Variants in SPTBN1 observed in about 807,000 individuals in gnomAD.
SPTBN1 encodes the protein spectrin beta, non-erythrocytic 1, also known as spectrin beta chain, non-erythrocytic 1.
In SPTBN1, 32 loss-of-function variants were observed where a neutral mutation model predicts 266.4. The observed-to-expected ratio is 0.12, with a 90% CI of 0.09 to 0.16. SPTBN1 has a LOEUF of 0.16. Among genes scored for constraint, SPTBN1 ranks in the 10% least tolerant of loss-of-function variants. SPTBN1 has a pLI of 1.00. For missense variants in SPTBN1, 2,296 were observed against 3,067.1 expected, an observed-to-expected ratio of 0.75 and a Z score of 5.94; for synonymous variants, 1,336 against 1,162.2, an observed-to-expected ratio of 1.15 and a Z score of -3.04.
At position 54,631,375 on chromosome 2, in the gene SPTBN1, G is replaced by A. The variant is rs2103940991; in HGVS notation, c.3328G>A (p.Glu1110Lys). Reference sequence around the variant, plus strand: ...CACGCAGCACGAGAACATCAAGAACGAGATCGACAACTACGAGGAGGACTA... The same window carrying A: ...CACGCAGCACGAGAACATCAAGAACAAGATCGACAACTACGAGGAGGACTA... ...LLTQHENIKNEIDNYEEDYQK... is the reference protein window; with the variant it reads ...LLTQHENIKNKIDNYEEDYQK... The change falls in exon 16 of 36, where the codon GAG becomes AAG. Residue 1110 changes from glutamate to lysine, a missense_variant. Physicochemically the swap from Glu to Lys is moderately conservative, Grantham distance 56. Around this residue, in one of 12 missense-constraint regions of SPTBN1, gnomAD observed 386 missense variants for 486.1 expected, o/e 0.79. Coordinates refer to ENST00000356805, the MANE Select transcript of SPTBN1 (RefSeq NM_003128.3). The A allele has an allele frequency of 2.5e-6, 4 of 1,614,238 alleles. No individual in the cohort carries two copies. Among genetic ancestry groups the A allele is most frequent in the South Asian group, 1.1e-5 (1 of 91,086 alleles).
intron 9 of SPTBN1, among the ~76,000 whole-genome samples, chr2:54,623,073 T>C (rs528883780): frequency 3.3e-5 from 5 of 152,364 alleles, no homozygotes; most frequent in African/African-American, 1.2e-4. Flanking sequence ...AAAGTCGTTT[T>C]TTCTTTTCTG....
At chr2:54,539,583 A>C (rs1671815265) in intron 2 of SPTBN1, among the ~76,000 whole-genome samples, 1 of 152,182 alleles carries the variant, frequency 6.6e-6, no homozygotes. Flanking sequence ...TCTGTCATCC[A>C]GACTGGAGTG....
intron 1 of SPTBN1, among the ~76,000 whole-genome samples, chr2:54,477,627 T>G (rs927690947): frequency 6.6e-6 from 1 of 152,080 alleles, no homozygotes; most frequent in Non-Finnish European, 1.5e-5. Flanking sequence ...TAAGACTGAC[T>G]GGTAGGCTGG....
intron 1 of SPTBN1, among the ~76,000 whole-genome samples, chr2:54,457,789 G>C (rs898760087): frequency 6.6e-6 from 1 of 152,264 alleles, no homozygotes; most frequent in Admixed American, 6.5e-5. Flanking sequence ...GCGTCAGGAG[G>C]ACCAGGTCAG....
intron 1 of SPTBN1, among the ~76,000 whole-genome samples, chr2:54,484,022 C>G (rs1228021664): frequency 6.6e-6 from 1 of 152,180 alleles, no homozygotes; most frequent in East Asian, 1.9e-4. Context: ...TGGTGAAACT[C>G]TGTCTCTGCA....
chr2:54,487,471 T>C (rs1228372047), intron 1 of SPTBN1, among the ~76,000 whole-genome samples: 3 of 152,140 alleles, frequency 2.0e-5, no homozygotes, highest in Non-Finnish European at 4.4e-5. Flanking sequence ...CTATTTTGCA[T>C]ATTTGCACAA....
intron 3 of SPTBN1, among the ~76,000 whole-genome samples, chr2:54,611,576 G>A (rs1332505661): frequency 6.6e-6 from 1 of 151,960 alleles, no homozygotes; most frequent in Admixed American, 6.6e-5. Context: ...AAACATTTGG[G>A]GTATTTAAAT....
At chr2:54,661,336 C>T in intron 32 of SPTBN1, 1 of 985,856 alleles carries the variant, frequency 1.0e-6, no homozygotes, top group Non-Finnish European at 1.2e-6. Flanking sequence ...CATTCACTTG[C>T]TCTTTTGCCA....
chr2:54,669,655 C>T lies in SPTBN1; in HGVS notation c.*1086C>T, dbSNP rs1303768746. 1 of 152,626 alleles carries T rather than the reference C, an allele frequency of 6.6e-6. No individual in the cohort carries two copies. 9.5% of individuals were successfully genotyped at this position (152,626 alleles called of 1,614,324 possible). A position where few individuals can be genotyped will look rare whatever the true frequency, so the allele number is the denominator to read the frequency against. On this transcript the variant is annotated 3_prime_UTR_variant, in exon 36 of 36. Transcript: ENST00000356805. ...CCTATCTGTTAAATATATGCTATGT[C>T]ATTAAATGCTTTTAAATCTAGCACG... is the stretch of plus-strand genomic sequence containing the variant.
intron 1 of SPTBN1, among the ~76,000 whole-genome samples, chr2:54,462,312 G>A (rs549909194): frequency 6.6e-6 from 1 of 152,228 alleles, no homozygotes; most frequent in African/African-American, 2.4e-5. Context: ...CTATTAAATG[G>A]CTTATTCTAA....
chr2:54,457,093 G>T (rs1201211793), intron 1 of SPTBN1, among the ~76,000 whole-genome samples: 1 of 151,386 alleles, frequency 6.6e-6, no homozygotes, highest in Non-Finnish European at 1.5e-5. Context: ...CTGAGCCGGA[G>T]GCGGCGGCCC....
chr2:54,489,404 A>G (rs1010119786), intron 1 of SPTBN1, among the ~76,000 whole-genome samples: 1 of 152,088 alleles, frequency 6.6e-6, no homozygotes, highest in African/African-American at 2.4e-5. Context: ...GCTGATTTTT[A>G]GAATCATAAT....
intron 1 of SPTBN1, among the ~76,000 whole-genome samples, chr2:54,490,890 G>A (rs1307864527): frequency 2.0e-5 from 3 of 152,158 alleles, no homozygotes; most frequent in Non-Finnish European, 4.4e-5. Flanking sequence ...TGCTGTGGCT[G>A]GAATAAAGAG....
rs559492552 is a variant in SPTBN1, at chr2:54,536,136, G to A, written c.148+9570G>A. 3.9e-5 allele frequency among the ~76,000 whole-genome samples: 6 copies of A among 152,282 alleles called. No individual in the cohort carries two copies. In the East Asian group the frequency reaches 5.8e-4, roughly 15 times the overall value. On this transcript the variant is annotated intron_variant, in intron 2 of 35. Coordinates refer to ENST00000356805, the MANE Select transcript of SPTBN1 (RefSeq NM_003128.3). Reference sequence around the variant, plus strand: ...GTCTCAGATGGTTCTATTTGTTGCCGTTATTAAATTCACTTACACAGTTAA... The same window carrying A: ...GTCTCAGATGGTTCTATTTGTTGCCATTATTAAATTCACTTACACAGTTAA...
chr2:54,471,272 C>G (rs1240777609), intron 1 of SPTBN1, among the ~76,000 whole-genome samples: 1 of 152,180 alleles, frequency 6.6e-6, no homozygotes, highest in Non-Finnish European at 1.5e-5. Flanking sequence ...GAGTAAGGTT[C>G]TAAGGTTTAC....
At chr2:54,565,277 G>T (rs761322329) in intron 2 of SPTBN1, among the ~76,000 whole-genome samples, 63 of 152,198 alleles carry the variant, frequency 4.1e-4, no homozygotes, top group Admixed American at 2.6e-4. Flanking sequence ...ACAGGAGCAG[G>T]TATTATACCT....
At chr2:54,584,216 C>G (rs1389182216) in intron 2 of SPTBN1, among the ~76,000 whole-genome samples, 1 of 152,152 alleles carries the variant, frequency 6.6e-6, no homozygotes, top group Non-Finnish European at 1.5e-5. Context: ...GTTTTCCTTA[C>G]TCTTTTTAAT....
intron 1 of SPTBN1, among the ~76,000 whole-genome samples, chr2:54,465,883 G>C (rs903226180): frequency 4.6e-5 from 7 of 151,814 alleles, no homozygotes; most frequent in African/African-American, 2.4e-5. Flanking sequence ...TAAGTGTGTT[G>C]GTACTTTGTG....
chr2:54,596,811 A>G (rs1676124676), intron 2 of SPTBN1, among the ~76,000 whole-genome samples: 2 of 152,124 alleles, frequency 1.3e-5, no homozygotes, highest in Non-Finnish European at 2.9e-5. Context: ...GCACCCACCC[A>G]TGACCTCTCC....
Sources: allele counts gnomAD v4.1 joint callset (sites outside exome capture counted in the v4.1 genomes callset), GRCh38; gene constraint gnomAD v4.1.1; regional missense constraint gnomAD v4.1.1; transcripts MANE v1.5; gene names NCBI Gene and HGNC (gene_info 2026-07-23, HGNC 2026-07-21).